SDK1: variants seen among roughly 807,000 people sequenced by gnomAD.
The protein encoded by SDK1 is sidekick cell adhesion molecule 1.
In SDK1, 157 loss-of-function variants were observed where a neutral mutation model predicts 245.5. The observed-to-expected ratio is 0.64, with a 90% CI of 0.56 to 0.73. The LOEUF (loss-of-function observed/expected upper bound fraction) is 0.73, where lower values mean the gene tolerates loss of function less well. Ranked by LOEUF, SDK1 falls within the 30% of genes least tolerant of loss-of-function variation. The pLI, the probability that SDK1 is intolerant of heterozygous loss-of-function variation, is 0.00. For missense variants in SDK1, 3,583 were observed against 3,002.3 expected (o/e 1.19, Z -4.52); for synonymous variants, 1,647 against 1,278.5 (o/e 1.29, Z -6.15).
chr7:4,035,390 T>C (rs1788138014), intron 17 of SDK1, among the ~76,000 whole-genome samples: 3 of 152,214 alleles, frequency 2.0e-5, no homozygotes, highest in Non-Finnish European at 1.5e-5. Context: ...CATAACAGTA[T>C]GGAAAGTAAC....
At chr7:3,925,774 C>G (rs887033611) in intron 5 of SDK1, among the ~76,000 whole-genome samples, 1 of 152,300 alleles carries the variant, frequency 6.6e-6, no homozygotes, top group African/African-American at 2.4e-5. Context: ...TTGGCAGGTG[C>G]GTGCTCCAGC....
chr7:3,974,322 C>G lies in SDK1; in HGVS notation c.1818-47C>G, dbSNP rs1562600210. The G allele has an allele frequency of 2.6e-6, 4 of 1,524,722 alleles. No individual in the cohort carries two copies. In the African/African-American group the frequency reaches 4.1e-5, roughly 16 times the overall value. The allele number at this position is 1,524,722 out of a possible 1,614,324, so 94.4% of individuals were successfully genotyped here. ...AAGAGACAGGGAAGGAGCAGTGATT[C>G]TGTCACTGTGGGGTTTGTAACTCAA... On this transcript the variant is annotated intron_variant, in intron 12 of 44. Transcript: ENST00000404826.
intron 38 of SDK1, among the ~76,000 whole-genome samples, chr7:4,215,787 T>C (rs987162481): frequency 2.6e-5 from 4 of 152,164 alleles, no homozygotes; most frequent in African/African-American, 9.7e-5. Flanking sequence ...GATGCGTTCT[T>C]AGACAATAGT....
At chr7:3,722,011 T>A (rs986372540) in intron 4 of SDK1, among the ~76,000 whole-genome samples, 3 of 152,142 alleles carry the variant, frequency 2.0e-5, no homozygotes, top group Non-Finnish European at 2.9e-5. Flanking sequence ...CGATCATGCC[T>A]CACTGCAGCC....
intron 40 of SDK1, among the ~76,000 whole-genome samples, chr7:4,222,375 A>G (rs895621756): frequency 6.6e-6 from 1 of 151,970 alleles, no homozygotes; most frequent in Non-Finnish European, 1.5e-5. Flanking sequence ...GCTCCCTGCA[A>G]TCTCTGCCTC....
intron 17 of SDK1, among the ~76,000 whole-genome samples, chr7:4,043,827 A>T (rs909429770): frequency 6.6e-6 from 1 of 151,950 alleles, no homozygotes; most frequent in African/African-American, 2.4e-5. Context: ...GGGCTTCGTG[A>T]AACCCCAGAG....
chr7:3,946,996 G>C (rs984525572), intron 5 of SDK1, among the ~76,000 whole-genome samples: 5 of 152,148 alleles, frequency 3.3e-5, no homozygotes, highest in East Asian at 1.9e-4. Context: ...GCTAGTTCTT[G>C]ATTTGCCAAT....
Position 4,075,614 on chromosome 7 carries a change from C to T in SDK1, c.3011-1384C>T, listed in dbSNP as rs1350044748. 3.3e-5 allele frequency among the ~76,000 whole-genome samples: 5 copies of T among 151,860 alleles called. No homozygotes were observed. The South Asian group carries it at 6.3e-4, about 19-fold the overall frequency. ...CTCTGATCACATTAACTCCCCTCCACGCGGGTTGATTGATTCAGGAGCTAG... is the reference window on the plus strand; with the variant it reads ...CTCTGATCACATTAACTCCCCTCCATGCGGGTTGATTGATTCAGGAGCTAG... On this transcript the variant is annotated intron_variant, in intron 20 of 44. Coordinates refer to ENST00000404826, the MANE Select transcript of SDK1 (RefSeq NM_152744.4).
At chr7:3,563,723 A>G (rs1048385854) in intron 1 of SDK1, among the ~76,000 whole-genome samples, 7 of 152,202 alleles carry the variant, frequency 4.6e-5, no homozygotes, top group African/African-American at 1.7e-4. Context: ...AATACACCTA[A>G]AACTGCATAC....
Position 4,178,525 on chromosome 7 carries a change from C to T in SDK1, c.5037C>T (p.Ala1679=). Residue 1679 remains alanine, a synonymous_variant, in exon 35 of 45, where the codon GCC becomes GCT. Coordinates refer to ENST00000404826, the MANE Select transcript of SDK1 (RefSeq NM_152744.4). Reference sequence around the variant, plus strand: ...GGCGCTATGAAGTAATAATGACCGCCTATAACATCATCGGCGAGAGCCCAG... The same window carrying T: ...GGCGCTATGAAGTAATAATGACCGCTTATAACATCATCGGCGAGAGCCCAG... The part of the protein sequence containing the change: ...KYRRYEVIMT[A]YNIIGESPAS... 6.2e-7 allele frequency: 1 copy of T among 1,613,996 alleles called. No individual in the cohort carries two copies. The highest frequency in any genetic ancestry group is 8.5e-7 in the Non-Finnish European group (1 of 1,179,988).
intron 34 of SDK1, among the ~76,000 whole-genome samples, chr7:4,177,002 T>G (rs1282022872): frequency 6.6e-6 from 1 of 152,170 alleles, no homozygotes; most frequent in Non-Finnish European, 1.5e-5. Context: ...CACACAGAAC[T>G]TGGCTGGTTT....
At chr7:3,407,896 A>G (rs1472774929) in intron 1 of SDK1, among the ~76,000 whole-genome samples, 7 of 152,168 alleles carry the variant, frequency 4.6e-5, no homozygotes, top group Non-Finnish European at 8.8e-5. Flanking sequence ...GCTCTGGAGA[A>G]AGAGGGAAAT....
intron 4 of SDK1, among the ~76,000 whole-genome samples, chr7:3,672,335 C>T (rs1337626296): frequency 2.3e-4 from 35 of 151,946 alleles, no homozygotes; most frequent in East Asian, 1.9e-4. Flanking sequence ...TACCCTACTG[C>T]ACCCCCAAGT....
chr7:3,928,001 G>C (rs1200031690), intron 5 of SDK1, among the ~76,000 whole-genome samples: 4 of 152,218 alleles, frequency 2.6e-5, no homozygotes, highest in African/African-American at 9.6e-5. Flanking sequence ...AACTGAGCTA[G>C]TGTTGCAGCA....
intron 1 of SDK1, among the ~76,000 whole-genome samples, chr7:3,366,868 A>G (rs1038887527): frequency 6.6e-6 from 1 of 152,002 alleles, no homozygotes; most frequent in African/African-American, 2.4e-5. Context: ...CAGCCTCCCA[A>G]GTAACTGGGA....
At chr7:3,745,003 G>A (rs1779578821) in intron 4 of SDK1, among the ~76,000 whole-genome samples, 1 of 152,128 alleles carries the variant, frequency 6.6e-6, no homozygotes, top group South Asian at 2.1e-4. Context: ...AAAGTAGCAG[G>A]TATCAGATTA....
At chr7:3,745,706 C>T (rs1356633822) in intron 4 of SDK1, among the ~76,000 whole-genome samples, 2 of 152,094 alleles carry the variant, frequency 1.3e-5, no homozygotes, top group African/African-American at 2.4e-5. Context: ...CACCTCATTG[C>T]CCCTGCCGTT....
chr7:3,703,157 T>C (rs1252719175), intron 4 of SDK1, among the ~76,000 whole-genome samples: 1 of 152,022 alleles, frequency 6.6e-6, no homozygotes, highest in African/African-American at 2.4e-5. Context: ...ACACAAAATA[T>C]GCTTCTGGAC....
rs370036132 is a variant in SDK1, at chr7:4,139,253, G to A, written c.4229-6469G>A. On this transcript the variant is annotated intron_variant, in intron 28 of 44. Transcript: ENST00000404826. ...CCAGTCCTGGCCTCAAGGTCTGTTCGTGGGGCACCCACCCTAGGGCCAAAG... is the reference window on the plus strand; with the variant it reads ...CCAGTCCTGGCCTCAAGGTCTGTTCATGGGGCACCCACCCTAGGGCCAAAG... Among the ~76,000 whole-genome samples, 104 of 152,138 alleles carry A rather than the reference G, an allele frequency of 6.8e-4. 2 individuals carry two copies. The South Asian group carries it at 0.02, about 29-fold the overall frequency.
Sources: gnomAD v4.1 joint callset for allele counts (sites outside exome capture counted in the v4.1 genomes callset) on GRCh38, gnomAD v4.1.1 for gene constraint, MANE v1.5 for transcripts, NCBI Gene and HGNC (gene_info 2026-07-23, HGNC 2026-07-21) for gene names.